The following IGF2R variants were observed in gnomAD, a reference collection of about 807,000 sequenced individuals.
IGF2R encodes the protein cation-independent mannose-6-phosphate receptor.
A neutral mutation model predicts 270.6 loss-of-function variants in IGF2R; 91 were observed. The ratio of observed to expected loss-of-function variants is 0.34; its 90% confidence interval spans 0.28 to 0.40. The LOEUF (loss-of-function observed/expected upper bound fraction) is 0.40. Ranked by LOEUF, IGF2R falls within the 10% of genes least tolerant of loss-of-function variation. The pLI is 1.00. For synonymous variants in IGF2R, 1,316 were observed against 1,258.9 expected (o/e 1.05, Z -0.96); for missense variants, 2,805 against 3,188.3 (o/e 0.88, Z 2.90).
chr6:159,992,093 A>C (rs1783987775), intron 2 of IGF2R, among the ~76,000 whole-genome samples: 1 of 152,228 alleles, frequency 6.6e-6, no homozygotes, highest in Non-Finnish European at 1.5e-5. Context: ...AGGTTTGACC[A>C]CAATGGATGC....
At chr6:159,981,313 C>T (rs684049) in intron 1 of IGF2R, among the ~76,000 whole-genome samples, 2 of 151,556 alleles carry the variant, frequency 1.3e-5, no homozygotes, top group African/African-American at 2.4e-5. Flanking sequence ...GTCTGAGTGT[C>T]TGTGAGTGCA....
At chr6:160,048,305 A>G (rs1225875443) in intron 17 of IGF2R, 70 bp from the exon 18 acceptor site, 12 of 1,430,914 alleles carry the variant, frequency 8.4e-6, no homozygotes, top group Admixed American at 5.2e-5. Flanking sequence ...TTCCCCAACT[A>G]CATAGAAATA....
chr6:160,078,584 G>C (rs1489963651), intron 37 of IGF2R, among the ~76,000 whole-genome samples: 1 of 152,188 alleles, frequency 6.6e-6, no homozygotes, highest in African/African-American at 2.4e-5. Context: ...GTACCTCATG[G>C]CTCTGCACTT....
chr6:160,007,899 T>C (rs189515444), intron 2 of IGF2R, among the ~76,000 whole-genome samples: 32 of 152,340 alleles, frequency 2.1e-4, no homozygotes, highest in Non-Finnish European at 4.3e-4. Flanking sequence ...AAGAAATCTT[T>C]CTCTATCTTA....
chr6:160,007,332 T>C (rs1262675818), intron 2 of IGF2R: 1 of 152,238 alleles, frequency 6.6e-6, no homozygotes, highest in Non-Finnish European at 1.5e-5. Flanking sequence ...TTGAACCAGT[T>C]AACATTTCAC....
intron 1 of IGF2R, among the ~76,000 whole-genome samples, chr6:159,969,762 T>A (rs1486384670): frequency 1.3e-5 from 2 of 152,152 alleles, no homozygotes; most frequent in Non-Finnish European, 2.9e-5. Flanking sequence ...AACTCCAGTT[T>A]GCTTTGTTCC....
chr6:160,088,984 C>A, intron 42 of IGF2R, 123 bp from the exon 43 acceptor site: 1 of 991,828 alleles, frequency 1.0e-6, no homozygotes, highest in African/African-American at 1.7e-5. Context: ...CAACTGAAGT[C>A]TCGCAGCACC....
intron 17 of IGF2R, 122 bp downstream of exon 17, chr6:160,048,029 C>A (rs1778108251): frequency 1.4e-6 from 1 of 725,248 alleles, no homozygotes; most frequent in Non-Finnish European, 2.5e-6. Flanking sequence ...GCTGCAGGAC[C>A]AAGGTGGGGC....
At chr6:159,981,871 C>T (rs1012533501) in intron 1 of IGF2R, among the ~76,000 whole-genome samples, 2 of 152,226 alleles carry the variant, frequency 1.3e-5, no homozygotes, top group Non-Finnish European at 2.9e-5. Flanking sequence ...GGATCCCTCT[C>T]CATACACCGG....
chr6:160,031,625 C>T (rs1231353011), intron 7 of IGF2R, among the ~76,000 whole-genome samples: 1 of 152,114 alleles, frequency 6.6e-6, no homozygotes, highest in African/African-American at 2.4e-5. Flanking sequence ...GTCTGCATCA[C>T]CATGTGTCAG....
chr6:160,027,289 G>A lies in IGF2R; in HGVS notation c.751G>A (p.Gly251Arg), dbSNP rs759226802. 19 of 1,613,750 alleles carry A rather than the reference G, an allele frequency of 1.2e-5. No homozygotes were observed. The highest frequency in any genetic ancestry group is 1.1e-4 in the South Asian group (10 of 91,032). Residue 251 changes from glycine to arginine, a missense_variant, in exon 6 of 48, where the codon GGA (glycine) becomes AGA (arginine). By Grantham distance (125) the Gly-to-Arg change is moderately radical. This residue lies in a region of IGF2R where 954 missense variants were observed against 981.1 expected (regional missense o/e 0.97). Transcript: ENST00000356956. ...GTTTGATGTTGGCCAGCCCCGGGAC[G>A]GACTGAAGCTGGTGCGCAAGGACAG... ...QAFDVGQPRD[G>R]LKLVRKDRLV...
In IGF2R at chr6:160,059,086, C is replaced by T. The variant is rs752861340; in HGVS notation, c.3079C>T (p.Leu1027Phe). 1 of 1,613,964 alleles carries T rather than the reference C, an allele frequency of 6.2e-7. No homozygotes were observed. Among genetic ancestry groups the T allele is most frequent in the Non-Finnish European group, 8.5e-7 (1 of 1,179,956 alleles). Reference protein sequence around the residue: ...GFITLTYKGPLSAKGTADAFI... With the variant: ...GFITLTYKGPFSAKGTADAFI... The stretch of plus-strand genomic sequence containing the variant: ...CATCACTCTGACCTACAAAGGGCCT[C>T]TCTCTGCCAAAGGTGAGCTCAGAGC... Residue 1027 changes from leucine (L) to phenylalanine (F), a missense_variant, in exon 22 of 48, where the codon CTC becomes TTC. Physicochemically the swap from Leu to Phe is conservative, Grantham distance 22 (BLOSUM62 0). Transcript: ENST00000356956.
Position 160,056,419 on chromosome 6 carries a change from T to A in IGF2R, c.2695-5T>A. 1.2e-6 allele frequency: 2 copies of A among 1,607,786 alleles called. No homozygotes were observed. The highest frequency in any genetic ancestry group is 1.7e-6 in the Non-Finnish European group (2 of 1,174,140). On this transcript the variant is annotated splice_region_variant and splice_polypyrimidine_tract_variant and intron_variant, in intron 19 of 47. Transcript: ENST00000356956. ...TTGACTTTTACCCTGGATTTGCCCA[T>A]TCAGAACAGCCACCCCATCTTTTCT...
Position 159,969,326 on chromosome 6 carries a change from A to C in IGF2R, c.80A>C (p.Gln27Pro), listed in dbSNP as rs1783570968. 1 of 1,305,502 alleles carries C rather than the reference A, an allele frequency of 7.7e-7. No individual in the cohort carries two copies. The allele number at this position is 1,305,502 out of a possible 1,614,324, so 80.9% of individuals were successfully genotyped here. Reference protein sequence around the residue: ...RRPQRSLLLLQLLLLVAAPGS... With the variant: ...RRPQRSLLLLPLLLLVAAPGS... ...CCGCAGCGCTCTCTGCTCCTGCTGC[A>C]GCTGCTGCTGCTCGTCGCTGCCCCG... Residue 27 changes from glutamine (Q) to proline (P), a missense_variant, in exon 1 of 48, where the codon CAG becomes CCG. Coordinates refer to ENST00000356956, the MANE Select transcript of IGF2R (RefSeq NM_000876.4).
rs570876743 is a variant in IGF2R at position 160,084,611 on chromosome 6, C to T, written c.6069-384C>T. 6.6e-6 allele frequency among the ~76,000 whole-genome samples: 1 copy of T among 152,148 alleles called. No homozygotes were observed. The highest frequency in any genetic ancestry group is 2.4e-5 in the African/African-American group (1 of 41,416). On this transcript the variant is annotated intron_variant, in intron 40 of 47. Coordinates refer to ENST00000356956, the MANE Select transcript of IGF2R (RefSeq NM_000876.4). The surrounding 1 kb of genome is among the most constrained non-coding windows in gnomAD (Gnocchi z 4.6). The stretch of plus-strand genomic sequence containing the variant: ...GCGCCCGCTTGGCCAGGTGCTCCTG[C>T]AAGACATCACCGAGGAGCAGGGGCA...
At chr6:160,076,125 C>T (rs1273976518) in intron 36 of IGF2R, 129 bp downstream of exon 36, 10 of 877,648 alleles carry the variant, frequency 1.1e-5, no homozygotes, top group South Asian at 6.1e-5. Context: ...TAAGATGGTA[C>T]GCTAGTAGTG....
At position 160,063,460 on chromosome 6, in the gene IGF2R, A is replaced by T; in HGVS notation, c.3716A>T (p.Asp1239Val). The change falls in exon 27 of 48, where the codon GAC (aspartate) becomes GTC (valine). Residue 1239 changes from aspartate to valine, a missense_variant. Coordinates refer to ENST00000356956, the MANE Select transcript of IGF2R (RefSeq NM_000876.4). ...GACCCAAGGCATGGCAACTTGTATG[A>T]CCTGAAGCCCCTGGGCCTCAACGAC... is the stretch of plus-strand genomic sequence containing the variant. ...VKDPRHGNLY[D>V]LKPLGLNDTI... The T allele has an allele frequency of 6.2e-7, 1 of 1,613,030 alleles. No individual in the cohort carries two copies. The highest frequency in any genetic ancestry group is 8.5e-7 in the Non-Finnish European group (1 of 1,180,028).
rs939583631 is a variant in IGF2R at position 160,068,163 on chromosome 6, A to T, written c.4116-86A>T. The T allele has an allele frequency of 4.0e-6, 6 of 1,512,718 alleles. No individual in the cohort carries two copies. In the African/African-American group the frequency reaches 8.4e-5, roughly 21 times the overall value. 93.7% of individuals were successfully genotyped at this position (1,512,718 alleles called of 1,614,324 possible). On this transcript the variant is annotated intron_variant, in intron 29 of 47. Transcript: ENST00000356956. ...TTCTGTCAGGCTTAGACTATGCCTG[A>T]ATACTTGAACGTTTCTAGACAGAGT...
In IGF2R at chr6:160,033,078, A is replaced by C; in HGVS notation, c.1182A>C (p.Ala394=). The part of the protein sequence containing the change: ...VKKSDTSQVK[A]AGRYHNQTLR... ...AGAGCGATACCTCTCAAGTCAAAGC[A>C]GCAGGAAGATACCACAATCAGACCC... is the stretch of plus-strand genomic sequence containing the variant. Residue 394 remains alanine (A), a synonymous_variant, in exon 9 of 48, where the codon GCA becomes GCC. Transcript: ENST00000356956. The C allele has an allele frequency of 6.2e-7, 1 of 1,613,708 alleles. No homozygotes were observed. The highest frequency in any genetic ancestry group is 8.5e-7 in the Non-Finnish European group (1 of 1,179,610).
Sources: gnomAD v4.1 joint callset for allele counts (sites outside exome capture counted in the v4.1 genomes callset) on GRCh38, gnomAD v4.1.1 for gene constraint, gnomAD v4.1.1 regional missense constraint, Gnocchi (gnomAD v3.1) non-coding constraint, MANE v1.5 for transcripts, NCBI Gene and HGNC (gene_info 2026-07-23, HGNC 2026-07-21) for gene names.